The following CTNNA3 variants were observed in gnomAD, a reference collection of about 807,000 sequenced individuals.
The protein encoded by CTNNA3 is catenin alpha-3.
Under a neutral mutation model 95.7 loss-of-function variants are expected in CTNNA3, and 76 were observed. The observed-to-expected ratio is 0.79, with a 90% CI of 0.66 to 0.96. The LOEUF is 0.96. Among genes scored for constraint, CTNNA3 ranks in the 40% least tolerant of loss-of-function variants. The pLI, the probability that CTNNA3 is intolerant of heterozygous loss-of-function variation, is 0.00. For missense variants in CTNNA3, 1,191 were observed against 1,089.8 expected (o/e 1.09, Z -1.31); for synonymous variants, 431 against 374.4 (o/e 1.15, Z -1.74).
At chr10:67,643,389 G>A (rs1334974782) in intron 2 of CTNNA3, among the ~76,000 whole-genome samples, 1 of 151,954 alleles carries the variant, frequency 6.6e-6, no homozygotes, top group African/African-American at 2.4e-5. Flanking sequence ...GTGATGGGAT[G>A]ATCTGTGCAG....
chr10:66,858,638 T>C (rs896311713), intron 7 of CTNNA3, among the ~76,000 whole-genome samples: 1 of 152,094 alleles, frequency 6.6e-6, no homozygotes, highest in Non-Finnish European at 1.5e-5. Context: ...TAGGAGTTTC[T>C]ATGTTTCCAA....
At chr10:67,229,775 G>A (rs34336217) in intron 5 of CTNNA3, among the ~76,000 whole-genome samples, 4 of 152,066 alleles carry the variant, frequency 2.6e-5, no homozygotes, top group East Asian at 1.9e-4. Flanking sequence ...CAAAGGAGTC[G>A]AAAGACCTCT....
intron 7 of CTNNA3, among the ~76,000 whole-genome samples, chr10:66,858,304 T>G (rs1564728096): frequency 6.6e-6 from 1 of 152,008 alleles, no homozygotes; most frequent in Admixed American, 6.6e-5. Flanking sequence ...TTTGGTTTCC[T>G]AGTATTTTGT....
intron 1 of CTNNA3, among the ~76,000 whole-genome samples, chr10:67,736,442 T>G (rs1841302628): frequency 6.7e-6 from 1 of 148,794 alleles, no homozygotes; most frequent in South Asian, 2.1e-4. Context: ...TTATGCATAT[T>G]TTACCACAAT....
chr10:66,436,948 G>A (rs887476359), intron 11 of CTNNA3, among the ~76,000 whole-genome samples: 6 of 152,056 alleles, frequency 3.9e-5, no homozygotes, highest in African/African-American at 7.2e-5. Context: ...CACTTATGAA[G>A]CTTAGTTTGG....
chr10:66,589,402 T>A (rs1189475419), intron 10 of CTNNA3, among the ~76,000 whole-genome samples: 1 of 152,126 alleles, frequency 6.6e-6, no homozygotes, highest in South Asian at 2.1e-4. Context: ...GGTTAATCAG[T>A]ACCTGCCCCT....
chr10:67,754,201 A>C (rs1415973958), intron 1 of CTNNA3, among the ~76,000 whole-genome samples: 2 of 152,146 alleles, frequency 1.3e-5, no homozygotes, highest in African/African-American at 2.4e-5. Context: ...ATTTTCAGCA[A>C]ACTCACACAG....
intron 17 of CTNNA3, among the ~76,000 whole-genome samples, chr10:65,930,574 AT>A (rs2077237418): frequency 6.6e-6 from 1 of 152,154 alleles, no homozygotes; most frequent in African/African-American, 2.4e-5. Flanking sequence ...ATATCCCCTC[AT>A]TTTTAGTATG....
At chr10:65,957,966 C>A (rs1194834453) in intron 17 of CTNNA3, among the ~76,000 whole-genome samples, 1 of 152,108 alleles carries the variant, frequency 6.6e-6, no homozygotes, top group South Asian at 2.1e-4. Flanking sequence ...CTGGATAATA[C>A]CCTGAAGAGT....
intron 15 of CTNNA3, among the ~76,000 whole-genome samples, chr10:66,002,773 T>C (rs1030131924): frequency 1.3e-5 from 2 of 152,062 alleles, no homozygotes; most frequent in Non-Finnish European, 2.9e-5. Flanking sequence ...AGGACAGAAA[T>C]TGACACACTT....
intron 17 of CTNNA3, among the ~76,000 whole-genome samples, chr10:65,927,188 G>T (rs1487706052): frequency 6.6e-6 from 1 of 151,958 alleles, no homozygotes; most frequent in African/African-American, 2.4e-5. Context: ...GTTAACTCAC[G>T]TATTAAACGA....
chr10:66,110,891 C>T (rs898372921), intron 13 of CTNNA3, among the ~76,000 whole-genome samples: 7 of 152,098 alleles, frequency 4.6e-5, no homozygotes, highest in African/African-American at 1.7e-4. Context: ...ATGGTATAAC[C>T]CATTGCTCCT....
intron 7 of CTNNA3, among the ~76,000 whole-genome samples, chr10:66,905,726 T>C (rs1460045877): frequency 6.6e-6 from 1 of 152,138 alleles, no homozygotes; most frequent in Admixed American, 6.5e-5. Flanking sequence ...TTACGCTAAG[T>C]GAAATAAGCC....
intron 3 of CTNNA3, among the ~76,000 whole-genome samples, chr10:67,579,417 G>T (rs867310386): frequency 2.6e-5 from 4 of 151,850 alleles, no homozygotes; most frequent in Admixed American, 6.6e-5. Context: ...TATTCCATGG[G>T]GTATATGTGC....
chr10:66,166,090 T>C lies in CTNNA3; in HGVS notation c.1885-62841A>G, dbSNP rs536353906. ...CATAAAATTTATTTTCAAAAATGCT[T>C]TCACAGAAATTATCTCATTTGAACC... On this transcript the variant is annotated intron_variant, in intron 13 of 17. Coordinates refer to ENST00000433211, the MANE Select transcript of CTNNA3 (RefSeq NM_013266.4). Among the ~76,000 whole-genome samples the C allele has an allele frequency of 3.3e-3, 498 of 152,148 alleles. 6 individuals carry two copies. The highest frequency in any genetic ancestry group is 0.012 in the African/African-American group (480 of 41,532).
intron 9 of CTNNA3, among the ~76,000 whole-genome samples, chr10:66,759,239 T>TGA (rs1156639938): frequency 6.6e-6 from 1 of 152,116 alleles, no homozygotes; most frequent in Non-Finnish European, 1.5e-5. Context: ...TCCTGAACGA[T>TGA]GATGTCCACA....
chr10:67,559,947 A>G (rs182597175), intron 3 of CTNNA3, among the ~76,000 whole-genome samples: 55 of 152,338 alleles, frequency 3.6e-4, no homozygotes, highest in African/African-American at 1.3e-3. Flanking sequence ...AAAAAGAATG[A>G]AAAGAAATGA....
chr10:67,074,155 C>G (rs1488172384), intron 7 of CTNNA3, among the ~76,000 whole-genome samples: 1 of 150,676 alleles, frequency 6.6e-6, no homozygotes, highest in Non-Finnish European at 1.5e-5. Context: ...TCCTCAGCCT[C>G]CCAAGTAGCT....
intron 5 of CTNNA3, among the ~76,000 whole-genome samples, chr10:67,430,773 G>A (rs77953813): frequency 0.018 from 2,611 of 147,794 alleles, 84 homozygotes; most frequent in African/African-American, 0.059. Context: ...ATTATGGGCT[G>A]GAAAAAATGG....
Sources: allele counts gnomAD v4.1 joint callset (sites outside exome capture counted in the v4.1 genomes callset), GRCh38; gene constraint gnomAD v4.1.1; transcripts MANE v1.5; gene names NCBI Gene and HGNC (gene_info 2026-07-23, HGNC 2026-07-21).